The following RBPJ variants were observed in gnomAD, a reference collection of about 807,000 sequenced individuals.
RBPJ encodes recombination signal binding protein for immunoglobulin kappa J region.
Under a neutral mutation model 67.8 loss-of-function variants are expected in RBPJ, and 9 were observed. The observed-to-expected ratio is 0.13, with a 90% CI of 0.08 to 0.23. The LOEUF (loss-of-function observed/expected upper bound fraction) is 0.23, where lower values mean the gene tolerates loss of function less well. Among genes scored for constraint, RBPJ ranks in the 10% least tolerant of loss-of-function variants. The pLI, the probability that RBPJ is intolerant of heterozygous loss-of-function variation, is 1.00. For missense variants in RBPJ, 305 were observed against 595.6 expected, an observed-to-expected ratio of 0.51 and a Z score of 5.08; for synonymous variants, 198 against 203.3, an observed-to-expected ratio of 0.97 and a Z score of 0.22.
chr4:26,290,916 G>A (rs892273773), intron 1 of RBPJ, among the ~76,000 whole-genome samples: 4 of 150,780 alleles, frequency 2.7e-5, no homozygotes, highest in African/African-American at 9.8e-5. Context: ...AAACCAGCTG[G>A]TCTTCCTCTA....
chr4:26,144,742 G>A, the RBPJ span, among the ~76,000 whole-genome samples: 3 of 152,146 alleles, frequency 2.0e-5, no homozygotes, highest in Non-Finnish European at 4.4e-5. Context: ...GTTTTCTTTT[G>A]TTGTTGCCTT....
chr4:26,300,352 C>G (rs1266643957), intron 1 of RBPJ, among the ~76,000 whole-genome samples: 1 of 152,146 alleles, frequency 6.6e-6, no homozygotes, highest in African/African-American at 2.4e-5. Flanking sequence ...CTTTTCTTTT[C>G]CAATCTAGAC....
At chr4:26,144,535 G>A in the RBPJ span, among the ~76,000 whole-genome samples, 2 of 152,156 alleles carry the variant, frequency 1.3e-5, no homozygotes, top group African/African-American at 4.8e-5. Flanking sequence ...CTCCCAAACT[G>A]CTAGGATTAC....
intron 1 of RBPJ, among the ~76,000 whole-genome samples, chr4:26,312,373 C>T (rs907639372): frequency 6.6e-5 from 10 of 152,244 alleles, no homozygotes; most frequent in African/African-American, 1.4e-4. Context: ...CCTCGTGATC[C>T]GCCTGCCTCG....
chr4:26,380,329 T>C (rs1394283924), intron 1 of RBPJ, among the ~76,000 whole-genome samples: 1 of 152,204 alleles, frequency 6.6e-6, no homozygotes, highest in African/African-American at 2.4e-5. Flanking sequence ...ATTAGGTCCA[T>C]AAGGAGATAG....
chr4:26,147,957 A>G, the RBPJ span, among the ~76,000 whole-genome samples: 1 of 152,332 alleles, frequency 6.6e-6, no homozygotes, highest in East Asian at 1.9e-4. Context: ...TTAGAAATGC[A>G]CATTTCAGGC....
chr4:26,306,101 C>T (rs1722229921), intron 1 of RBPJ, among the ~76,000 whole-genome samples: 1 of 151,986 alleles, frequency 6.6e-6, no homozygotes, highest in African/African-American at 2.4e-5. Context: ...TTAAAATTTT[C>T]TATGCCTAAG....
At chr4:26,254,164 T>C (rs1290087824) in intron 1 of RBPJ, among the ~76,000 whole-genome samples, 2 of 148,870 alleles carry the variant, frequency 1.3e-5, no homozygotes, top group Admixed American at 1.3e-4. Flanking sequence ...TCCCAGCTGG[T>C]CTCCTGCTTC....
the RBPJ span, among the ~76,000 whole-genome samples, chr4:26,123,369 A>G: frequency 1.8e-4 from 27 of 152,334 alleles, no homozygotes; most frequent in African/African-American, 6.5e-4. Context: ...CTATAAATGG[A>G]GCTTGCAGGA....
chr4:26,356,749 C>T lies in RBPJ; in HGVS notation c.21-29604C>T, dbSNP rs775064625. ...ACTAGATGTTTTTCTCTTTTAGAAACAACACTGCAGTGAATATCTTCGTGT... is the reference window on the plus strand; with the variant it reads ...ACTAGATGTTTTTCTCTTTTAGAAATAACACTGCAGTGAATATCTTCGTGT... On this transcript the variant is annotated intron_variant, in intron 1 of 10. Coordinates refer to ENST00000355476, the MANE Select transcript of RBPJ (RefSeq NM_015874.6). Among the ~76,000 whole-genome samples, 7 of 152,166 alleles carry T rather than the reference C, an allele frequency of 4.6e-5. No homozygotes were observed. The East Asian group carries it at 9.6e-4, about 21-fold the overall frequency.
At chr4:26,265,459 G>A (rs148873927) in intron 1 of RBPJ, among the ~76,000 whole-genome samples, 1,927 of 151,722 alleles carry the variant, frequency 0.013, 20 homozygotes, top group Non-Finnish European at 0.018. Context: ...AACCCAGGAG[G>A]AAGAGATTTC....
At chr4:26,285,053 C>T (rs181144439) in intron 1 of RBPJ, among the ~76,000 whole-genome samples, 13 of 152,032 alleles carry the variant, frequency 8.6e-5, no homozygotes, top group African/African-American at 2.9e-4. Flanking sequence ...GATGAGGTTT[C>T]ACCATATTGG....
At chr4:26,310,788 G>A (rs1722403532) in intron 1 of RBPJ, among the ~76,000 whole-genome samples, 1 of 151,086 alleles carries the variant, frequency 6.6e-6, no homozygotes, top group African/African-American at 2.4e-5. Context: ...TCCTGCCTCA[G>A]CCTCCCGAGT....
intron 1 of RBPJ, among the ~76,000 whole-genome samples, chr4:26,270,452 G>GAAGAAAGAAAGAAAGAAAGA: frequency 7.2e-6 from 1 of 139,636 alleles, no homozygotes; most frequent in Non-Finnish European, 1.6e-5. Flanking sequence ...AAGAAAGAAA[G>GAAGAAAGAAAGAAAGAAAGA]AAAGAAAAGA....
At chr4:26,369,211 T>C (rs1341358629) in intron 1 of RBPJ, among the ~76,000 whole-genome samples, 1 of 152,214 alleles carries the variant, frequency 6.6e-6, no homozygotes, top group Non-Finnish European at 1.5e-5. Context: ...AGAGAATAGC[T>C]AGATATATAA....
intron 1 of RBPJ, among the ~76,000 whole-genome samples, chr4:26,216,403 A>G (rs10939100): frequency 0.66 from 99,787 of 151,896 alleles, 33,018 homozygotes; most frequent in East Asian, 0.9. Flanking sequence ...AAATGTGAAT[A>G]AGCACAGTGA....
upstream of RBPJ, among the ~76,000 whole-genome samples, chr4:26,159,515 A>G (rs1167207757): frequency 1.3e-5 from 2 of 152,218 alleles, no homozygotes; most frequent in African/African-American, 4.8e-5. Flanking sequence ...TGTTAGGACT[A>G]TCTCTGTGAG....
intron 1 of RBPJ, among the ~76,000 whole-genome samples, chr4:26,186,446 A>C (rs868739338): frequency 6.6e-6 from 1 of 152,180 alleles, no homozygotes; most frequent in African/African-American, 2.4e-5. Flanking sequence ...CACTTTGAGA[A>C]AAGAGTCATG....
At chr4:26,407,185 A>T (rs13147320) in intron 3 of RBPJ, among the ~76,000 whole-genome samples, 2,885 of 152,274 alleles carry the variant, frequency 0.019, 33 homozygotes, top group Middle Eastern at 0.024. Context: ...CGCAAATGTG[A>T]CCCCAAAAGT....
Sources: gnomAD v4.1 joint callset for allele counts (sites outside exome capture counted in the v4.1 genomes callset) on GRCh38, gnomAD v4.1.1 for gene constraint, MANE v1.5 for transcripts, NCBI Gene and HGNC (gene_info 2026-07-23, HGNC 2026-07-21) for gene names.